C2orf74: variants seen among roughly 807,000 people sequenced by gnomAD.
C2orf74 encodes the protein uncharacterized protein C2orf74.
In C2orf74, 14 loss-of-function variants were observed where a neutral mutation model predicts 17.9. That is an observed-to-expected ratio of 0.78 (90% CI 0.52 to 1.22). The LOEUF is 1.22. C2orf74 is among the 50% of genes most tolerant of loss of function. C2orf74 has a pLI of 0.00. For synonymous variants in C2orf74, 79 were observed against 72.6 expected, an observed-to-expected ratio of 1.09 and a Z score of -0.44; for missense variants, 217 against 218.4, an observed-to-expected ratio of 0.99 and a Z score of 0.04.
chr2:61,156,034 C>CA (rs1382924303), intron 1 of C2orf74, among the ~76,000 whole-genome samples: 1 of 151,006 alleles, frequency 6.6e-6, no homozygotes, highest in Non-Finnish European at 1.5e-5. Context: ...CGTGTCTCTA[C>CA]AAAAAAATTA....
chr2:61,162,397 T>C lies in C2orf74; in HGVS notation c.-99-19T>C, dbSNP rs1685587551. The C allele has an allele frequency of 2.6e-6, 2 of 762,460 alleles. No individual in the cohort carries two copies. Among genetic ancestry groups the C allele is most frequent in the East Asian group, 5.4e-5 (2 of 37,352 alleles). The allele number at this position is 762,460 out of a possible 1,614,324, so 47.2% of individuals were successfully genotyped here. A position where few individuals can be genotyped will look rare whatever the true frequency, so the allele number is the denominator to read the frequency against. ...AAAAGAACAACAAAGAAAACAGCTT[T>C]TTATTCCTCTGTTTCTAGAAAACTT... On this transcript the variant is annotated intron_variant, in intron 1 of 4. Coordinates refer to ENST00000432605, the MANE Select transcript of C2orf74 (RefSeq NM_001143959.4).
At chr2:61,163,331 C>T (rs551055735) in intron 4 of C2orf74, 99 bp downstream of exon 4, 36 of 1,325,822 alleles carry the variant, frequency 2.7e-5, no homozygotes, top group African/African-American at 1.9e-4. Context: ...GATGGAGGAC[C>T]GGGCGGGTGG....
intron 1 of C2orf74, among the ~76,000 whole-genome samples, chr2:61,154,511 G>A (rs1025697939): frequency 6.6e-6 from 1 of 152,054 alleles, no homozygotes; most frequent in East Asian, 1.9e-4. Context: ...TATCAGTATT[G>A]GTTCATAAAT....
rs1486775576 is a variant in C2orf74 at position 61,163,139 on chromosome 2, C to T, written c.297C>T (p.Pro99=). Residue 99 remains proline, a synonymous_variant, in exon 4 of 5, where the codon CCC becomes CCT. Coordinates refer to ENST00000432605, the MANE Select transcript of C2orf74 (RefSeq NM_001143959.4). ...AGAGTAAGGAAGTGTTGGCCACACC[C>T]TTAGAAAACAGAAGGGACATGGAGG... The part of the protein sequence containing the change: ...QRQSKEVLAT[P]LENRRDMEAE... 6.4e-7 allele frequency: 1 copy of T among 1,552,182 alleles called. No homozygotes were observed. The highest frequency in any genetic ancestry group is 1.2e-5 in the South Asian group (1 of 84,058).
At chr2:61,149,159 A>T (rs554526374) in intron 1 of C2orf74, among the ~76,000 whole-genome samples, 3 of 152,172 alleles carry the variant, frequency 2.0e-5, no homozygotes, top group Non-Finnish European at 4.4e-5. Context: ...ACCAAAAAAT[A>T]TCTCCCCTCT....
intron 1 of C2orf74, among the ~76,000 whole-genome samples, chr2:61,151,263 C>T (rs1271482318): frequency 6.8e-6 from 1 of 146,350 alleles, no homozygotes; most frequent in Non-Finnish European, 1.5e-5. Flanking sequence ...TTGCAGTGAG[C>T]TGAGATTGCA....
upstream of C2orf74, chr2:61,159,352 A>G (rs1167286275): frequency 2.7e-6 from 1 of 364,710 alleles, no homozygotes; most frequent in Non-Finnish European, 5.4e-6. Context: ...GCTGGAGTGC[A>G]GTGGCACGAT....
chr2:61,155,766 C>T (rs1436019735), intron 1 of C2orf74, among the ~76,000 whole-genome samples: 2 of 152,096 alleles, frequency 1.3e-5, no homozygotes, highest in Non-Finnish European at 2.9e-5. Context: ...GTTATCCACC[C>T]GGCTTGGCCT....
At chr2:61,157,634 T>A (rs1049376828), upstream of C2orf74, among the ~76,000 whole-genome samples, 1 of 152,146 alleles carries the variant, frequency 6.6e-6, no homozygotes, top group Non-Finnish European at 1.5e-5. Context: ...TTCTCCATAC[T>A]CTCAGCCCTG....
At chr2:61,163,609 ATAATAATAATAAT>A (rs1324576034) in intron 4 of C2orf74, among the ~76,000 whole-genome samples, 1 of 150,074 alleles carries the variant, frequency 6.7e-6, no homozygotes, top group African/African-American at 2.4e-5. Context: ...TCAAAAAAAA[ATAATAATAATAAT>A]AAATAATAAT....
At chr2:61,162,815 C>G in intron 2 of C2orf74, 27 bp from the exon 3 acceptor site, 1 of 1,533,924 alleles carries the variant, frequency 6.5e-7, no homozygotes, top group Non-Finnish European at 8.8e-7. Flanking sequence ...TCTTCCTTTT[C>G]TGAATTTGTG....
intron 1 of C2orf74, among the ~76,000 whole-genome samples, chr2:61,156,937 T>G (rs1685408638): frequency 6.6e-6 from 1 of 152,210 alleles, no homozygotes; most frequent in Non-Finnish European, 1.5e-5. Context: ...TTCTCTGTTT[T>G]GTTGCAGACC....
At chr2:61,149,872 C>T (rs1408757725) in intron 1 of C2orf74, among the ~76,000 whole-genome samples, 4 of 152,118 alleles carry the variant, frequency 2.6e-5, no homozygotes, top group Non-Finnish European at 5.9e-5. Flanking sequence ...AGCCACCGCA[C>T]GTAGATGATA....
chr2:61,155,484 G>A (rs1401604108), intron 1 of C2orf74, among the ~76,000 whole-genome samples: 1 of 150,822 alleles, frequency 6.6e-6, no homozygotes, highest in Non-Finnish European at 1.5e-5. Flanking sequence ...TAATGAGATG[G>A]ATTATAAAGA....
upstream of C2orf74, among the ~76,000 whole-genome samples, chr2:61,158,371 C>A (rs571692814): frequency 5.3e-5 from 8 of 152,260 alleles, no homozygotes; most frequent in South Asian, 1.7e-3. Context: ...ATGAAAGACC[C>A]TGTCACTTCC....
At chr2:61,159,252 T>A (rs113935873), upstream of C2orf74, 5,584 of 354,862 alleles carry the variant, frequency 0.016, 63 homozygotes, top group Non-Finnish European at 0.022. Flanking sequence ...TGCCTTGGCC[T>A]CCCAAAGTGC....
chr2:61,162,936 A>G lies in C2orf74; in HGVS notation c.190A>G (p.Asn64Asp). The G allele has an allele frequency of 6.4e-7, 1 of 1,552,582 alleles. No homozygotes were observed. The highest frequency in any genetic ancestry group is 8.7e-7 in the Non-Finnish European group (1 of 1,147,150). The change falls in exon 3 of 5, where the codon AAT (asparagine) becomes GAT (aspartate). Residue 64 changes from asparagine (N) to aspartate (D), a missense_variant. Asn to Asp is a conservative substitution (Grantham distance 23, BLOSUM62 1). Transcript: ENST00000432605. ...DCAAAKVVTS[N>D]PEDHERILMQ... ...TGCAGCTGCCAAAGTGGTGACAAGC[A>G]ATCCAGAGGACCATGAAAGGCGAGT...
intron 1 of C2orf74, among the ~76,000 whole-genome samples, chr2:61,155,057 T>C (rs1243825122): frequency 6.6e-6 from 1 of 152,102 alleles, no homozygotes; most frequent in African/African-American, 2.4e-5. Flanking sequence ...ACATTGAGAC[T>C]CTGTCTCAAA....
intron 1 of C2orf74, among the ~76,000 whole-genome samples, chr2:61,146,102 T>C (rs1440623101): frequency 6.6e-6 from 1 of 152,220 alleles, no homozygotes; most frequent in Non-Finnish European, 1.5e-5. Context: ...GATTATTGAT[T>C]GTAATAGCAA....
Sources: gnomAD v4.1 joint callset for allele counts (sites outside exome capture counted in the v4.1 genomes callset) on GRCh38, gnomAD v4.1.1 for gene constraint, MANE v1.5 for transcripts, NCBI Gene and HGNC (gene_info 2026-07-23, HGNC 2026-07-21) for gene names.